The following ABCA8 variants were observed in gnomAD, a reference collection of about 807,000 sequenced individuals.
ABCA8 encodes ABC-type organic anion transporter ABCA8.
A neutral mutation model predicts 192.3 loss-of-function variants in ABCA8; 177 were observed. The ratio of observed to expected loss-of-function variants is 0.92; its 90% confidence interval spans 0.81 to 1.04. The LOEUF (loss-of-function observed/expected upper bound fraction) is 1.04. Ranked by LOEUF, ABCA8 falls within the 50% of genes least tolerant of loss-of-function variation. The pLI, the probability that ABCA8 is intolerant of heterozygous loss-of-function variation, is 0.00. For missense variants in ABCA8, 1,915 were observed against 1,904.8 expected, an observed-to-expected ratio of 1.01 and a Z score of -0.10; for synonymous variants, 642 against 690.2, an observed-to-expected ratio of 0.93 and a Z score of 1.09.
intron 21 of ABCA8, among the ~76,000 whole-genome samples, chr17:68,899,969 T>C (rs960855019): frequency 2.0e-5 from 3 of 152,188 alleles, no homozygotes; most frequent in Non-Finnish European, 2.9e-5. Flanking sequence ...GAGGGACGTT[T>C]ATAGCTGTAA....
At chr17:68,944,316 TTATATATATATATATATATATA>T (rs1177610587) in intron 2 of ABCA8, among the ~76,000 whole-genome samples, 793 of 29,304 alleles carry the variant, frequency 0.027, 76 homozygotes, top group East Asian at 0.094. Flanking sequence ...GAACTTAAAG[TTATATATATATATATATATATA>T]TATATATATA....
intron 23 of ABCA8, among the ~76,000 whole-genome samples, chr17:68,893,083 T>C (rs1475416007): frequency 6.6e-6 from 1 of 152,200 alleles, no homozygotes; most frequent in Non-Finnish European, 1.5e-5. Flanking sequence ...ATTGGCCATA[T>C]ATATTATCAT....
intron 16 of ABCA8, 72 bp downstream of exon 16, chr17:68,917,975 T>C: frequency 6.4e-7 from 1 of 1,560,982 alleles, no homozygotes; most frequent in South Asian, 1.2e-5. Flanking sequence ...AATATAACTG[T>C]TCAGAGACCA....
intron 2 of ABCA8, among the ~76,000 whole-genome samples, chr17:68,946,355 C>T (rs773590873): frequency 1.2e-4 from 19 of 152,230 alleles, no homozygotes; most frequent in African/African-American, 3.6e-4. Context: ...CGTGAGCCCC[C>T]GCACCCAGCC....
In ABCA8 at chr17:68,903,330, T is replaced by G. The variant is rs145796573; in HGVS notation, c.2568A>C (p.Leu856Phe). The change falls in exon 20 of 40, where the codon TTA becomes TTC. Residue 856 changes from leucine to phenylalanine, a missense_variant. Leu to Phe is a conservative substitution (Grantham distance 22). Transcript: ENST00000586539. Reference sequence around the variant, plus strand: ...CTAAAAGAGCTTTTCTTTCATGCTTTAACTTTAACAAGCGAACCCTTGCAA... The same window carrying G: ...CTAAAAGAGCTTTTCTTTCATGCTTGAACTTTAACAAGCGAACCCTTGCAA... ...CAIARVRLLK[L>F]KHERKALLAL... is the part of the protein sequence containing the mutation. The G allele has an allele frequency of 2.9e-4, 474 of 1,614,118 alleles. 1 individual carries two copies. The African/African-American group carries it at 4.2e-3, about 14-fold the overall frequency.
Position 68,903,200 on chromosome 17 carries a change from A to C in ABCA8, c.2597+101T>G, listed in dbSNP as rs902095212. 4.0e-6 allele frequency: 5 copies of C among 1,256,350 alleles called. No homozygotes were observed. In the African/African-American group the frequency reaches 6.0e-5, roughly 15 times the overall value. The allele number at this position is 1,256,350 out of a possible 1,614,324, so 77.8% of individuals were successfully genotyped here. ...TGATGCTTTCCCTTTCTGCTGCCTA[A>C]TTCATCATATCTTTGTGTTTTTTTG... On this transcript the variant is annotated intron_variant, in intron 20 of 39. Coordinates refer to ENST00000586539, the MANE Select transcript of ABCA8 (RefSeq NM_001288985.2).
chr17:68,922,764 A>G (rs1037449410), intron 11 of ABCA8, among the ~76,000 whole-genome samples: 1 of 152,128 alleles, frequency 6.6e-6, no homozygotes, highest in African/African-American at 2.4e-5. Context: ...AAGACAATCA[A>G]TGTATCATAA....
intron 37 of ABCA8, among the ~76,000 whole-genome samples, chr17:68,872,789 A>G (rs1380271334): frequency 6.6e-6 from 1 of 152,010 alleles, no homozygotes; most frequent in Non-Finnish European, 1.5e-5. Flanking sequence ...TTAATAAAAA[A>G]TGTTAAGTAG....
At position 68,937,042 on chromosome 17, in the gene ABCA8, T is replaced by TA; in HGVS notation, c.374dup (p.Arg126LysfsTer6). ...AGTATGTATTAGTAAAGGTGACTCT[T>TA]ACTATTTCTTCAGGATAATTTGCTG... On this transcript the variant is annotated frameshift_variant, in exon 5 of 40. Coordinates refer to ENST00000586539, the MANE Select transcript of ABCA8 (RefSeq NM_001288985.2). LOFTEE classifies it high-confidence loss of function. 2 of 1,611,018 alleles carry TA rather than the reference T, an allele frequency of 1.2e-6. No individual in the cohort carries two copies. The highest frequency in any genetic ancestry group is 2.2e-5 in the South Asian group (2 of 90,664).
chr17:68,925,322 A>G (rs1333509872), intron 10 of ABCA8, among the ~76,000 whole-genome samples: 1 of 152,242 alleles, frequency 6.6e-6, no homozygotes, highest in East Asian at 1.9e-4. Context: ...CATTTGTAAG[A>G]AAGAAAAAGA....
Position 68,888,603 on chromosome 17 carries a change from A to T in ABCA8, c.3145-1097T>A, listed in dbSNP as rs377264770. On this transcript the variant is annotated intron_variant, in intron 24 of 39. Transcript: ENST00000586539. ...TTGGATCTTTAGGAAATGACTGAGC[A>T]TGTGGTGCTGCTATATATGGAGAAA... is the stretch of plus-strand genomic sequence containing the variant. Among the ~76,000 whole-genome samples the T allele has an allele frequency of 1.2e-4, 18 of 152,306 alleles. 1 individual carries two copies. The South Asian group carries it at 3.7e-3, about 32-fold the overall frequency.
intron 17 of ABCA8, among the ~76,000 whole-genome samples, chr17:68,912,953 G>T (rs531292437): frequency 1.3e-3 from 192 of 152,190 alleles, no homozygotes; most frequent in African/African-American, 4.6e-3. Flanking sequence ...ATACACAGTC[G>T]TCTCCTCAGC....
At chr17:68,953,818 C>G (rs2068637220) in intron 1 of ABCA8, among the ~76,000 whole-genome samples, 1 of 152,154 alleles carries the variant, frequency 6.6e-6, no homozygotes, top group Non-Finnish European at 1.5e-5. Context: ...GCTACTACTC[C>G]TACCGGGGGT....
rs541833344 is a variant in ABCA8 at position 68,902,876 on chromosome 17, T to C, written c.2601A>G (p.Leu867=). 5.6e-6 allele frequency: 9 copies of C among 1,607,024 alleles called. No individual in the cohort carries two copies. In the African/African-American group the frequency reaches 8.0e-5, roughly 14 times the overall value. Residue 867 remains leucine, a synonymous_variant, in exon 21 of 40, where the codon CTA becomes CTG. Coordinates refer to ENST00000586539, the MANE Select transcript of ABCA8 (RefSeq NM_001288985.2). ...GGCAAAATCCAGCCATTAGAATTAA[T>C]AGCCTACACAAAAGAAAATTGCCAA... ...KHERKALLAL[L]LILMAGFCPL... is the part of the protein sequence containing the mutation.
intron 10 of ABCA8, among the ~76,000 whole-genome samples, chr17:68,925,274 A>G (rs2067667683): frequency 6.6e-6 from 1 of 152,224 alleles, no homozygotes; most frequent in African/African-American, 2.4e-5. Flanking sequence ...AAAAAATCCA[A>G]AAGAAGATAG....
chr17:68,885,921 A>G (rs2066448744), intron 26 of ABCA8, among the ~76,000 whole-genome samples: 2 of 152,198 alleles, frequency 1.3e-5, no homozygotes. Flanking sequence ...ATCAAAGAAA[A>G]CATTGAAATT....
In ABCA8 at chr17:68,917,414, G is replaced by A. The variant is rs781158837; in HGVS notation, c.2085C>T (p.Cys695=). 45 of 1,611,738 alleles carry A rather than the reference G, an allele frequency of 2.8e-5. 1 individual carries two copies. In the Middle Eastern group the frequency reaches 1.6e-3, roughly 59 times the overall value. Reference sequence around the variant, plus strand: ...TCTTTAGAAACAAAGAAGAGCCCGCGCACTTTAGCTTCCCTTGGGAGAGAA... The same window carrying A: ...TCTTTAGAAACAAAGAAGAGCCCGCACACTTTAGCTTCCCTTGGGAGAGAA... ...KVFLSQGKLK[C]AGSSLFLKKK... is the part of the protein sequence containing the mutation. Residue 695 remains cysteine (C), a synonymous_variant, in exon 17 of 40, where the codon TGC becomes TGT. Coordinates refer to ENST00000586539, the MANE Select transcript of ABCA8 (RefSeq NM_001288985.2).
At chr17:68,928,873 T>C (rs1309475508) in intron 9 of ABCA8, among the ~76,000 whole-genome samples, 176 bp downstream of exon 9, 2 of 152,214 alleles carry the variant, frequency 1.3e-5, no homozygotes, top group African/African-American at 2.4e-5. Flanking sequence ...ATGTCTTATT[T>C]TGCTGGGCTA....
chr17:68,892,995 C>T (rs995752433), intron 23 of ABCA8, among the ~76,000 whole-genome samples: 7 of 151,986 alleles, frequency 4.6e-5, no homozygotes, highest in South Asian at 2.1e-4. Context: ...GGTGGCAGAG[C>T]GAGACCCTGC....
Sources: allele counts gnomAD v4.1 joint callset (sites outside exome capture counted in the v4.1 genomes callset), GRCh38; gene constraint gnomAD v4.1.1; transcripts MANE v1.5; gene names NCBI Gene and HGNC (gene_info 2026-07-23, HGNC 2026-07-21).